ADGRL4: variants seen among roughly 807,000 people sequenced by gnomAD.
The protein encoded by ADGRL4 is EGF, latrophilin and seven transmembrane domain containing 1.
A neutral mutation model predicts 74.8 loss-of-function variants in ADGRL4; 90 were observed. The observed-to-expected ratio is 1.20, with a 90% CI of 1.02 to 1.43. ADGRL4 has a LOEUF of 1.43. Among genes scored for constraint, ADGRL4 ranks in the 40% most tolerant of loss-of-function variants. ADGRL4 has a pLI of 0.00. For synonymous variants in ADGRL4, 311 were observed against 279.2 expected, an observed-to-expected ratio of 1.11 and a Z score of -1.14; for missense variants, 881 against 814.3, an observed-to-expected ratio of 1.08 and a Z score of -1.00.
chr1:78,967,058 G>A (rs551725119), intron 2 of ADGRL4, among the ~76,000 whole-genome samples: 1 of 152,114 alleles, frequency 6.6e-6, no homozygotes, highest in African/African-American at 2.4e-5. Context: ...TTGGCCTAAA[G>A]GAAGACAAGT....
rs144407122 is a variant in ADGRL4 at position 78,892,362 on chromosome 1, T to A, written c.1842-670A>T. Reference sequence around the variant, plus strand: ...GCCTGTGACTTTTGGTAAAACAATATTCTACCCTGCTCACTAAGGACATTG... The same window carrying A: ...GCCTGTGACTTTTGGTAAAACAATAATCTACCCTGCTCACTAAGGACATTG... On this transcript the variant is annotated intron_variant, in intron 13 of 14. Transcript: ENST00000370742. 2.8e-4 allele frequency among the ~76,000 whole-genome samples: 42 copies of A among 152,238 alleles called. No homozygotes were observed. The East Asian group carries it at 5.0e-3, about 18-fold the overall frequency.
chr1:78,920,105 A>G (rs971076270), intron 10 of ADGRL4, 78 bp downstream of exon 10: 4 of 1,087,672 alleles, frequency 3.7e-6, no homozygotes, highest in Non-Finnish European at 3.9e-6. Flanking sequence ...TAAATTACAA[A>G]TAATGTTTCT....
chr1:78,897,763 T>C (rs1648428298), intron 12 of ADGRL4, among the ~76,000 whole-genome samples: 1 of 152,196 alleles, frequency 6.6e-6, no homozygotes, highest in African/African-American at 2.4e-5. Flanking sequence ...ATTACAATAT[T>C]CAGCAAAGTT....
intron 3 of ADGRL4, among the ~76,000 whole-genome samples, chr1:78,944,825 G>A (rs1316453878): frequency 5.9e-5 from 9 of 152,086 alleles, no homozygotes; most frequent in Non-Finnish European, 1.3e-4. Context: ...TAAATGTTGT[G>A]AAGCGTAGGT....
chr1:78,988,063 T>C (rs1455846295), intron 2 of ADGRL4, among the ~76,000 whole-genome samples: 1 of 151,802 alleles, frequency 6.6e-6, no homozygotes, highest in East Asian at 1.9e-4. Context: ...TGTATTAGAA[T>C]TTAAAATAAC....
intron 2 of ADGRL4, among the ~76,000 whole-genome samples, chr1:78,994,968 G>C (rs914990825): frequency 1.3e-5 from 2 of 152,126 alleles, no homozygotes; most frequent in African/African-American, 4.8e-5. Flanking sequence ...AAGATCTTTT[G>C]GAATTGCAAC....
At chr1:78,932,493 C>T (rs553981153) in intron 7 of ADGRL4, among the ~76,000 whole-genome samples, 1 of 150,708 alleles carries the variant, frequency 6.6e-6, no homozygotes, top group South Asian at 2.1e-4. Context: ...AATCAATACC[C>T]TAACATCACA....
intron 2 of ADGRL4, among the ~76,000 whole-genome samples, chr1:78,956,117 A>G (rs1649823752): frequency 6.6e-6 from 1 of 152,108 alleles, no homozygotes; most frequent in Non-Finnish European, 1.5e-5. Flanking sequence ...TGCATTTAGG[A>G]ATGACATTAG....
intron 2 of ADGRL4, among the ~76,000 whole-genome samples, chr1:78,970,161 G>A (rs139226888): frequency 2.0e-5 from 3 of 152,270 alleles, no homozygotes; most frequent in African/African-American, 7.2e-5. Flanking sequence ...GCTGGCTTAT[G>A]TTAAGGAGTC....
chr1:78,985,188 A>T (rs960528901), intron 2 of ADGRL4, among the ~76,000 whole-genome samples: 1 of 151,750 alleles, frequency 6.6e-6, no homozygotes, highest in South Asian at 2.1e-4. Flanking sequence ...ACAATCCAAT[A>T]TTTATAATAG....
At chr1:78,953,550 C>A (rs1440639684) in intron 2 of ADGRL4, among the ~76,000 whole-genome samples, 1 of 152,132 alleles carries the variant, frequency 6.6e-6, no homozygotes, top group Non-Finnish European at 1.5e-5. Flanking sequence ...AATTTTCTAA[C>A]CTGCTAGAGA....
In ADGRL4 at chr1:78,924,013, C is replaced by G. The variant is rs533589674; in HGVS notation, c.1084-2227G>C. 5.9e-5 allele frequency among the ~76,000 whole-genome samples: 9 copies of G among 151,850 alleles called. No individual in the cohort carries two copies. In the South Asian group the frequency reaches 1.7e-3, roughly 28 times the overall value. ...GCAATTAATGAAGGAAGATTCACAC[C>G]AAAGTACATCTTAAAGATTTTGGAA... is the stretch of plus-strand genomic sequence containing the variant. On this transcript the variant is annotated intron_variant, in intron 8 of 14. Coordinates refer to ENST00000370742, the MANE Select transcript of ADGRL4 (RefSeq NM_022159.4).
At chr1:78,934,161 C>G (rs562412773) in intron 7 of ADGRL4, among the ~76,000 whole-genome samples, 1 of 152,274 alleles carries the variant, frequency 6.6e-6, no homozygotes, top group Admixed American at 6.5e-5. Flanking sequence ...ATCACACTAC[C>G]TGACTTCAAA....
At chr1:78,937,773 C>T in intron 6 of ADGRL4, 34 bp downstream of exon 6, 1 of 1,579,612 alleles carries the variant, frequency 6.3e-7, no homozygotes, top group Non-Finnish European at 8.6e-7. Flanking sequence ...ATTTGGAAAA[C>T]ACAATTACTT....
intron 2 of ADGRL4, among the ~76,000 whole-genome samples, chr1:78,957,989 C>T (rs1649869280): frequency 6.6e-6 from 1 of 152,098 alleles, no homozygotes; most frequent in Non-Finnish European, 1.5e-5. Context: ...TAGAATTATG[C>T]TAAATCTACT....
At chr1:78,965,131 C>T (rs7516295) in intron 2 of ADGRL4, among the ~76,000 whole-genome samples, 1,780 of 152,038 alleles carry the variant, frequency 0.012, 32 homozygotes, top group African/African-American at 0.04. Flanking sequence ...ATTATCTAGT[C>T]CAGAGTTCTA....
chr1:78,953,443 G>T (rs761117809), intron 2 of ADGRL4, among the ~76,000 whole-genome samples: 1 of 152,086 alleles, frequency 6.6e-6, no homozygotes, highest in African/African-American at 2.4e-5. Flanking sequence ...GTTCACAAAC[G>T]AAAAACTATT....
At chr1:78,921,862 A>G in intron 8 of ADGRL4, 76 bp from the exon 9 acceptor site, 1 of 798,088 alleles carries the variant, frequency 1.3e-6, no homozygotes. Flanking sequence ...TATTTAAAAT[A>G]CCACTAATGT....
intron 8 of ADGRL4, among the ~76,000 whole-genome samples, chr1:78,924,220 T>C (rs1649067216): frequency 6.6e-6 from 1 of 152,168 alleles, no homozygotes; most frequent in African/African-American, 2.4e-5. Flanking sequence ...TATAACTCTG[T>C]ACCATGGTAT....
Sources: gnomAD v4.1 joint callset for allele counts (sites outside exome capture counted in the v4.1 genomes callset) on GRCh38, gnomAD v4.1.1 for gene constraint, MANE v1.5 for transcripts, NCBI Gene and HGNC (gene_info 2026-07-23, HGNC 2026-07-21) for gene names.